The following PCDHGB5 variants were observed in gnomAD, a reference collection of about 807,000 sequenced individuals.
PCDHGB5 encodes protocadherin gamma-B5.
In PCDHGB5, 48 loss-of-function variants were observed where a neutral mutation model predicts 62.9. The observed-to-expected ratio is 0.76, with a 90% CI of 0.61 to 0.97. The LOEUF (loss-of-function observed/expected upper bound fraction) is 0.97. PCDHGB5 is among the 50% of genes least tolerant of loss of function. PCDHGB5 has a pLI of 0.00. For missense variants in PCDHGB5, 1,118 were observed against 1,198.6 expected, an observed-to-expected ratio of 0.93 and a Z score of 0.99; for synonymous variants, 474 against 511.2, an observed-to-expected ratio of 0.93 and a Z score of 0.98.
intron 1 of PCDHGB5, among the ~76,000 whole-genome samples, chr5:141,444,058 C>A (rs2154560450): frequency 6.8e-6 from 1 of 147,774 alleles, no homozygotes; most frequent in East Asian, 2.0e-4. Context: ...CATCTTCAAT[C>A]TAGATTCTGA....
chr5:141,439,118 G>A (rs1293542421), intron 1 of PCDHGB5, among the ~76,000 whole-genome samples: 3 of 151,390 alleles, frequency 2.0e-5, no homozygotes, highest in Non-Finnish European at 4.4e-5. Flanking sequence ...ACTTGAACCC[G>A]GGAGACAGAG....
At position 141,414,686 on chromosome 5, in the gene PCDHGB5, C is replaced by A. The variant is rs201724090; in HGVS notation, c.2397+14162C>A. On this transcript the variant is annotated intron_variant, in intron 1 of 3. Coordinates refer to ENST00000617380, the MANE Select transcript of PCDHGB5 (RefSeq NM_018925.3). ...GCTGAAGACACCATCCAGGGGGTAC[C>A]TCTGTCCTCATACATATCCATCAAC... 57 of 1,613,924 alleles carry A rather than the reference C, an allele frequency of 3.5e-5. No homozygotes were observed. The highest frequency in any genetic ancestry group is 1.6e-4 in the Middle Eastern group (1 of 6,084).
At chr5:141,503,902 C>T (rs552180745) in intron 2 of PCDHGB5, among the ~76,000 whole-genome samples, 7 of 152,328 alleles carry the variant, frequency 4.6e-5, no homozygotes, top group African/African-American at 1.7e-4. Context: ...AATATGCACA[C>T]ACACAACGCA....
At chr5:141,484,621 T>C (rs2099598239) in intron 1 of PCDHGB5, among the ~76,000 whole-genome samples, 1 of 152,058 alleles carries the variant, frequency 6.6e-6, no homozygotes, top group Admixed American at 6.6e-5. Flanking sequence ...CAACACTGGC[T>C]TGAACAAAGT....
Position 141,431,697 on chromosome 5 carries a change from G to A in PCDHGB5, c.2397+31173G>A. The A allele has an allele frequency of 6.2e-7, 1 of 1,614,206 alleles. No homozygotes were observed. Among genetic ancestry groups the A allele is most frequent in the South Asian group, 1.1e-5 (1 of 91,084 alleles). On this transcript the variant is annotated intron_variant, in intron 1 of 3. Transcript: ENST00000617380. This position sits in a 1 kb window ranked among gnomAD's most constrained non-coding sequence, Gnocchi z 4.8. Reference sequence around the variant, plus strand: ...GGGGAGTTGGACCACGAGGAGTCAGGATTCTACCAGATGGAAGTGCAAGCA... The same window carrying A: ...GGGGAGTTGGACCACGAGGAGTCAGAATTCTACCAGATGGAAGTGCAAGCA...
At chr5:141,464,600 C>T (rs970370250) in intron 1 of PCDHGB5, among the ~76,000 whole-genome samples, 24 of 152,118 alleles carry the variant, frequency 1.6e-4, no homozygotes, top group Admixed American at 1.1e-3. Flanking sequence ...CCATAGTCTC[C>T]TTTGCAGAGT....
At chr5:141,488,183 T>C (rs1249953031) in intron 1 of PCDHGB5, among the ~76,000 whole-genome samples, 1 of 152,148 alleles carries the variant, frequency 6.6e-6, no homozygotes, top group Non-Finnish European at 1.5e-5. Flanking sequence ...CATAGATCTT[T>C]TGGTCTGGGT....
intron 1 of PCDHGB5, among the ~76,000 whole-genome samples, chr5:141,458,526 A>T (rs921943954): frequency 1.7e-4 from 26 of 151,492 alleles, no homozygotes; most frequent in African/African-American, 5.6e-4. Flanking sequence ...TTTTTTTTTA[A>T]CTTATCAACT....
chr5:141,435,733 T>C (rs950139563), intron 1 of PCDHGB5, among the ~76,000 whole-genome samples: 12 of 152,208 alleles, frequency 7.9e-5, no homozygotes, highest in African/African-American at 2.7e-4. Context: ...AGTGTATTAC[T>C]CTTTGAAAAG....
chr5:141,451,237 A>G (rs1405567593), intron 1 of PCDHGB5, among the ~76,000 whole-genome samples: 1 of 152,198 alleles, frequency 6.6e-6, no homozygotes, highest in Non-Finnish European at 1.5e-5. Context: ...TTATTATCTC[A>G]TAAATTTTGT....
intron 1 of PCDHGB5, chr5:141,433,208 C>CT (rs745329085): frequency 0.022 from 27,155 of 1,216,152 alleles, no homozygotes; most frequent in Non-Finnish European, 0.026. Flanking sequence ...AATCTTCTTT[C>CT]TTTTTTTTTT....
At chr5:141,419,299 C>T in intron 1 of PCDHGB5, 12 of 1,614,048 alleles carry the variant, frequency 7.4e-6, no homozygotes, top group Non-Finnish European at 1.0e-5. Flanking sequence ...CTGACCCAGA[C>T]TTCGGGCTCA....
chr5:141,419,824 AGCCACTGCCACGCT>A, intron 1 of PCDHGB5: 1 of 1,614,038 alleles, frequency 6.2e-7, no homozygotes, highest in South Asian at 1.1e-5. Context: ...CACCCCTTTC[AGCCACTGCCACGCT>A]GCACCTGGTG....
intron 3 of PCDHGB5, among the ~76,000 whole-genome samples, chr5:141,508,772 C>T (rs1015277795): frequency 5.3e-5 from 8 of 152,070 alleles, no homozygotes; most frequent in African/African-American, 1.2e-4. Flanking sequence ...TGAGGTCCCC[C>T]CTCTAGCCCC....
At position 141,428,400 on chromosome 5, in the gene PCDHGB5, G is replaced by T. The variant is rs373595231; in HGVS notation, c.2397+27876G>T. 3 of 483,290 alleles carry T rather than the reference G, an allele frequency of 6.2e-6. No individual in the cohort carries two copies. The East Asian group carries it at 1.2e-4, about 20-fold the overall frequency. 29.9% of individuals were successfully genotyped at this position (483,290 alleles called of 1,614,324 possible). ...GATGCTCTTCCAGCCCCTCTGCCTGGGGTTGCTTTCACCCTGGTCTCTGTT... is the reference window on the plus strand; with the variant it reads ...GATGCTCTTCCAGCCCCTCTGCCTGTGGTTGCTTTCACCCTGGTCTCTGTT... On this transcript the variant is annotated intron_variant, in intron 1 of 3. Coordinates refer to ENST00000617380, the MANE Select transcript of PCDHGB5 (RefSeq NM_018925.3).
intron 1 of PCDHGB5, chr5:141,421,591 G>T: frequency 6.2e-7 from 1 of 1,613,874 alleles, no homozygotes; most frequent in Non-Finnish European, 8.5e-7. Context: ...CGGAGTGGAG[G>T]TGGAAATAAT....
At position 141,421,030 on chromosome 5, in the gene PCDHGB5, G is replaced by A. The variant is rs989158485; in HGVS notation, c.2397+20506G>A. The stretch of plus-strand genomic sequence containing the variant: ...GGAATGGGAAGCTGCGCGCCATTGA[G>A]TCCCTCCCTCCCCCGCCTCTACCAC... On this transcript the variant is annotated intron_variant, in intron 1 of 3. Coordinates refer to ENST00000617380, the MANE Select transcript of PCDHGB5 (RefSeq NM_018925.3). 39 of 532,352 alleles carry A rather than the reference G, an allele frequency of 7.3e-5. No homozygotes were observed. In the East Asian group the frequency reaches 1.2e-3, roughly 17 times the overall value. 33.0% of individuals were successfully genotyped at this position (532,352 alleles called of 1,614,324 possible). A position where few individuals can be genotyped will look rare whatever the true frequency, so the allele number is the denominator to read the frequency against.
chr5:141,426,488 T>G, intron 1 of PCDHGB5: 1 of 328,024 alleles, frequency 3.0e-6, no homozygotes, highest in Non-Finnish European at 6.1e-6. Context: ...AACCTTAGAG[T>G]TAGTGCAGAG....
chr5:141,406,183 C>T (rs1048428263), intron 1 of PCDHGB5, among the ~76,000 whole-genome samples: 5 of 151,756 alleles, frequency 3.3e-5, no homozygotes, highest in Admixed American at 6.6e-5. Flanking sequence ...TGCAATCCTC[C>T]CACCTCAGCC....
Sources: allele counts gnomAD v4.1 joint callset (sites outside exome capture counted in the v4.1 genomes callset), GRCh38; gene constraint gnomAD v4.1.1; non-coding constraint Gnocchi (gnomAD v3.1); transcripts MANE v1.5; gene names NCBI Gene and HGNC (gene_info 2026-07-23, HGNC 2026-07-21).